The following AFAP1L2 variants were observed in gnomAD, a reference collection of about 807,000 sequenced individuals.
AFAP1L2 encodes the protein actin filament-associated protein 1-like 2.
Under a neutral mutation model 99.3 loss-of-function variants are expected in AFAP1L2, and 46 were observed. That is an observed-to-expected ratio of 0.46 (90% confidence interval 0.37 to 0.59). The LOEUF is 0.59. AFAP1L2 is among the 20% of genes least tolerant of loss of function. The pLI is 0.00. For missense variants in AFAP1L2, 959 were observed against 1,034.9 expected, an observed-to-expected ratio of 0.93 and a Z score of 1.01; for synonymous variants, 397 against 419.1, an observed-to-expected ratio of 0.95 and a Z score of 0.64.
intron 1 of AFAP1L2, among the ~76,000 whole-genome samples, chr10:114,365,091 C>T (rs577409625): frequency 6.6e-5 from 10 of 152,304 alleles, no homozygotes; most frequent in South Asian, 4.1e-4. Flanking sequence ...CCCTGTGCAC[C>T]GTGCTTCCAG....
chr10:114,375,343 A>G (rs2054646357), intron 1 of AFAP1L2, among the ~76,000 whole-genome samples: 1 of 152,238 alleles, frequency 6.6e-6, no homozygotes. Flanking sequence ...GCTCATTACA[A>G]GAAAGCTTGC....
At chr10:114,401,632 G>A (rs770437065) in intron 1 of AFAP1L2, among the ~76,000 whole-genome samples, 2 of 152,052 alleles carry the variant, frequency 1.3e-5, no homozygotes, top group African/African-American at 2.4e-5. Context: ...CATACTCCCC[G>A]ATCCCTTATT....
intron 4 of AFAP1L2, among the ~76,000 whole-genome samples, chr10:114,325,068 G>A (rs1252664720): frequency 1.3e-5 from 2 of 152,186 alleles, no homozygotes; most frequent in South Asian, 2.1e-4. Flanking sequence ...TCTACAGTCT[G>A]TTTATATAGA....
In AFAP1L2 at chr10:114,300,338, C is replaced by T; in HGVS notation, c.1813G>A (p.Asp605Asn). The change falls in exon 15 of 19, where the codon GAT becomes AAT. Residue 605 changes from aspartate to asparagine, a missense_variant. Physicochemically the swap from Asp to Asn is conservative, Grantham distance 23. This residue lies in a region of AFAP1L2 where 576 missense variants were observed against 562.1 expected (regional missense o/e 1.02). Transcript: ENST00000304129. ...EQQLESLEPE[D>N]PSLRITTVKI... ...ACGGTGGTGATTCTCAGGGAAGGAT[C>T]CTCTGGCTCCAAACTCTCCAGCTGC... 6.2e-7 allele frequency: 1 copy of T among 1,614,166 alleles called. No homozygotes were observed. Among genetic ancestry groups the T allele is most frequent in the Non-Finnish European group, 8.5e-7 (1 of 1,180,028 alleles).
rs75998697 is a variant in AFAP1L2 at position 114,368,004 on chromosome 10, A to G, written c.17-27273T>C. 1.7e-3 allele frequency among the ~76,000 whole-genome samples: 259 copies of G among 152,318 alleles called. 10 individuals are homozygous for G. The East Asian group carries it at 0.041, about 24-fold the overall frequency. On this transcript the variant is annotated intron_variant, in intron 1 of 18. Transcript: ENST00000304129. ...AGTCACCAGGAGCGGGATTCCACAAATGGCTGCTAAAAGTGAGTTGGTGCA... is the reference window on the plus strand; with the variant it reads ...AGTCACCAGGAGCGGGATTCCACAAGTGGCTGCTAAAAGTGAGTTGGTGCA...
At chr10:114,338,539 G>A (rs2048323817) in intron 2 of AFAP1L2, among the ~76,000 whole-genome samples, 1 of 152,162 alleles carries the variant, frequency 6.6e-6, no homozygotes, top group South Asian at 2.1e-4. Flanking sequence ...CAACTCAAAT[G>A]GCCATCAGTA....
chr10:114,320,517 A>G (rs2045038241), intron 5 of AFAP1L2, among the ~76,000 whole-genome samples: 2 of 152,104 alleles, frequency 1.3e-5, no homozygotes, highest in African/African-American at 4.8e-5. Context: ...GCTTCTCCCC[A>G]AGTCATCCCC....
chr10:114,282,800 G>T, the AFAP1L2 span, among the ~76,000 whole-genome samples: 2 of 152,226 alleles, frequency 1.3e-5, no homozygotes, highest in African/African-American at 4.8e-5. Flanking sequence ...AACCAGTGTT[G>T]TGTGCATTGG....
At chr10:114,315,798 T>C (rs777739170) in intron 5 of AFAP1L2, 33 bp from the exon 6 acceptor site, 3 of 1,584,056 alleles carry the variant, frequency 1.9e-6, no homozygotes, top group Non-Finnish European at 1.7e-6. Flanking sequence ...CAGGGCCCCA[T>C]GGGGCAGGGG....
intron 7 of AFAP1L2, among the ~76,000 whole-genome samples, chr10:114,311,437 A>G (rs867863358): frequency 2.0e-5 from 3 of 152,218 alleles, no homozygotes; most frequent in Non-Finnish European, 4.4e-5. Context: ...GAAGAGCCCA[A>G]GAACTCCAGT....
At chr10:114,401,631 C>T (rs571856273) in intron 1 of AFAP1L2, among the ~76,000 whole-genome samples, 16 of 152,238 alleles carry the variant, frequency 1.1e-4, no homozygotes, top group African/African-American at 3.1e-4. Context: ...ACATACTCCC[C>T]GATCCCTTAT....
At chr10:114,384,359 T>C (rs968425708) in intron 1 of AFAP1L2, among the ~76,000 whole-genome samples, 2 of 149,738 alleles carry the variant, frequency 1.3e-5, no homozygotes, top group Non-Finnish European at 3.0e-5. Context: ...CCAACTTCAC[T>C]GGAGCGTCTG....
intron 1 of AFAP1L2, among the ~76,000 whole-genome samples, chr10:114,403,772 G>T (rs898554659): frequency 6.6e-6 from 1 of 152,214 alleles, no homozygotes; most frequent in Admixed American, 6.5e-5. Context: ...GCCCAGCTGC[G>T]CACTGAGCTA....
chr10:114,352,728 G>A (rs1281685592), intron 1 of AFAP1L2, among the ~76,000 whole-genome samples: 3 of 152,216 alleles, frequency 2.0e-5, no homozygotes, highest in South Asian at 2.1e-4. Flanking sequence ...AAGAATGAGC[G>A]TCAGCTCCAT....
Position 114,400,481 on chromosome 10 carries a change from C to T in AFAP1L2, c.16+3959G>A, listed in dbSNP as rs761105628. 1.3e-4 allele frequency among the ~76,000 whole-genome samples: 20 copies of T among 152,204 alleles called. 1 individual carries two copies. The highest frequency in any genetic ancestry group is 4.1e-4 in the South Asian group (2 of 4,826). On this transcript the variant is annotated intron_variant, in intron 1 of 18. Transcript: ENST00000304129. ...CCTGAGCTTAGGATTTTAAGCACCA[C>T]ATTTGAGATCGTTTTTAAGCAACGT...
chr10:114,393,117 T>A (rs2057329128), intron 1 of AFAP1L2, among the ~76,000 whole-genome samples: 2 of 152,188 alleles, frequency 1.3e-5, no homozygotes. Flanking sequence ...GAGCACCCCG[T>A]ATCCTCTGAA....
intron 1 of AFAP1L2, among the ~76,000 whole-genome samples, chr10:114,391,136 A>G (rs1237321668): frequency 1.3e-5 from 2 of 152,220 alleles, no homozygotes; most frequent in Non-Finnish European, 2.9e-5. Flanking sequence ...CTCAGTGAAC[A>G]GAGCCCTTAA....
intron 8 of AFAP1L2, among the ~76,000 whole-genome samples, chr10:114,309,258 C>G (rs2134417096): frequency 6.6e-6 from 1 of 152,332 alleles, no homozygotes; most frequent in Non-Finnish European, 1.5e-5. Context: ...CAACTTCTTT[C>G]CAACTTTTGT....
chr10:114,340,459 T>C, intron 2 of AFAP1L2, 144 bp downstream of exon 2: 1 of 1,166,632 alleles, frequency 8.6e-7, no homozygotes, highest in Non-Finnish European at 1.2e-6. Context: ...ACCTTGATGT[T>C]AGACTTCTGG....
Sources: allele counts gnomAD v4.1 joint callset (sites outside exome capture counted in the v4.1 genomes callset), GRCh38; gene constraint gnomAD v4.1.1; regional missense constraint gnomAD v4.1.1; transcripts MANE v1.5; gene names NCBI Gene and HGNC (gene_info 2026-07-23, HGNC 2026-07-21).